MAT1A: variants seen among roughly 807,000 people sequenced by gnomAD.
The protein encoded by MAT1A is methionine adenosyltransferase 1A.
In MAT1A, 19 loss-of-function variants were observed where a neutral mutation model predicts 44.0. The observed-to-expected ratio is 0.43, with a 90% confidence interval of 0.30 to 0.63. The LOEUF is 0.63. Among genes scored for constraint, MAT1A ranks in the 30% least tolerant of loss-of-function variants. The probability of loss-of-function intolerance (pLI) is 0.12; values close to 1 mark genes in which losing one functional copy is unlikely to be tolerated. For missense variants in MAT1A, 397 were observed against 531.0 expected, an observed-to-expected ratio of 0.75 and a Z score of 2.48; for synonymous variants, 205 against 205.6, an observed-to-expected ratio of 1.00 and a Z score of 0.03.
intron 6 of MAT1A, 133 bp downstream of exon 6, chr10:80,276,243 G>A (rs1023965562): frequency 1.8e-5 from 16 of 894,912 alleles, no homozygotes; most frequent in South Asian, 4.2e-5. Flanking sequence ...AAAATTCACC[G>A]ACTTTACATT....
In MAT1A at chr10:80,289,380, T is replaced by A; in HGVS notation, c.44A>T (p.Glu15Val). 6.2e-7 allele frequency: 1 copy of A among 1,614,212 alleles called. No homozygotes were observed. Among genetic ancestry groups the A allele is most frequent in the Non-Finnish European group, 8.5e-7 (1 of 1,180,032 alleles). The change falls in exon 1 of 9, where the codon GAA (glutamate) becomes GTA (valine). Residue 15 changes from glutamate to valine, a missense_variant. Physicochemically the swap from Glu to Val is moderately radical, Grantham distance 121. Coordinates refer to ENST00000372213, the MANE Select transcript of MAT1A (RefSeq NM_000429.3). ...VDGLCDHSLS[E>V]GVFMFTSESV... ...CTCCGATGTGAACATGAAGACTCCT[T>A]CACTTAGAGAGTGGTCACACAAGCC... is the stretch of plus-strand genomic sequence containing the variant.
rs1355541304 is a variant in MAT1A at position 80,276,389 on chromosome 10, A to G, written c.755T>C (p.Ile252Thr). The G allele has an allele frequency of 1.2e-6, 2 of 1,614,110 alleles. No homozygotes were observed. The highest frequency in any genetic ancestry group is 4.5e-5 in the East Asian group (2 of 44,886). Reference sequence around the variant, plus strand: ...ACAAGAATGCACCTGGGGACCTCCGATGACAAACCGCCCACTGGGCTGCAG... The same window carrying G: ...ACAAGAATGCACCTGGGGACCTCCGGTGACAAACCGCCCACTGGGCTGCAG... ...YHLQPSGRFV[I>T]GGPQGDAGVT... The change falls in exon 6 of 9, where the codon ATC becomes ACC. Residue 252 changes from isoleucine (I) to threonine (T), a missense_variant. Physicochemically the swap from Ile to Thr is moderately conservative, Grantham distance 89 (BLOSUM62 -1). Coordinates refer to ENST00000372213, the MANE Select transcript of MAT1A (RefSeq NM_000429.3).
chr10:80,275,785 T>A (rs576734054), intron 6 of MAT1A, among the ~76,000 whole-genome samples: 4 of 152,258 alleles, frequency 2.6e-5, no homozygotes, highest in Admixed American at 6.5e-5. Context: ...GTTTCTACAC[T>A]CTACTTGCTA....
rs1322344552 is a variant in MAT1A, at chr10:80,276,526, A to G, written c.618T>C (p.Ser206=). Residue 206 remains serine, a synonymous_variant, in exon 6 of 9, where the codon TCT becomes TCC. Transcript: ENST00000372213. ...GCGTGATGTCTTCGTTGTGCTGCAC[A>G]GAGATGACGATGGTGTGGATGCGCA... ...IPVRIHTIVI[S]VQHNEDITLE... The G allele has an allele frequency of 6.2e-7, 1 of 1,614,130 alleles. No individual in the cohort carries two copies. The highest frequency in any genetic ancestry group is 8.5e-7 in the Non-Finnish European group (1 of 1,180,036).
chr10:80,277,423 C>A (rs1270329343), intron 5 of MAT1A, among the ~76,000 whole-genome samples: 3 of 152,184 alleles, frequency 2.0e-5, no homozygotes, highest in Non-Finnish European at 4.4e-5. Context: ...TGTGTTCTGC[C>A]TGGTCTAAGG....
At chr10:80,275,641 T>C (rs1043680255) in intron 6 of MAT1A, among the ~76,000 whole-genome samples, 1 of 152,002 alleles carries the variant, frequency 6.6e-6, no homozygotes, top group African/African-American at 2.4e-5. Flanking sequence ...AGGGTGGGAG[T>C]TCTATGTTAA....
In MAT1A at chr10:80,283,959, C is replaced by T; in HGVS notation, c.249G>A (p.Val83=). 2 of 1,614,238 alleles carry T rather than the reference C, an allele frequency of 1.2e-6. No individual in the cohort carries two copies. Among genetic ancestry groups the T allele is most frequent in the Non-Finnish European group, 1.7e-6 (2 of 1,180,036 alleles). The change falls in exon 3 of 9, where the codon GTG becomes GTA. Residue 83 remains valine (V), a synonymous_variant. Transcript: ENST00000372213. ...SMAMVDYQRV[V]RDTIKHIGYD... Reference sequence around the variant, plus strand: ...AGCCGATGTGCTTGATGGTGTCCCTCACCACCCGCTGGTAGTCCACCATGG... The same window carrying T: ...AGCCGATGTGCTTGATGGTGTCCCTTACCACCCGCTGGTAGTCCACCATGG...
chr10:80,283,803 C>T (rs1841601686), intron 3 of MAT1A, 113 bp downstream of exon 3: 1 of 1,515,326 alleles, frequency 6.6e-7, no homozygotes, highest in Non-Finnish European at 9.1e-7. Context: ...GAGTGTTTTC[C>T]TCCTGGTAGT....
At chr10:80,285,036 C>T (rs1381206446) in intron 2 of MAT1A, among the ~76,000 whole-genome samples, 1 of 152,166 alleles carries the variant, frequency 6.6e-6, no homozygotes. Flanking sequence ...ATTTTAAAAC[C>T]TAAATCATAC....
At position 80,273,145 on chromosome 10, in the gene MAT1A, ACT is replaced by A. The variant is rs1466612285; in HGVS notation, c.*634_*635del. On this transcript the variant is annotated 3_prime_UTR_variant, in exon 9 of 9. Transcript: ENST00000372213. ...GTGGGACCCTGTGGAAGTTATCCAG[ACT>A]CTCTGTGCTTTGCTTTCCCCCATCT... is the stretch of plus-strand genomic sequence containing the variant. 1.3e-5 allele frequency: 2 copies of A among 153,856 alleles called. No individual in the cohort carries two copies. The highest frequency in any genetic ancestry group is 4.8e-5 in the African/African-American group (2 of 41,346). 9.5% of individuals were successfully genotyped at this position (153,856 alleles called of 1,614,324 possible).
intron 3 of MAT1A, 121 bp downstream of exon 3, chr10:80,283,795 G>A: frequency 6.9e-7 from 1 of 1,457,432 alleles, no homozygotes; most frequent in Non-Finnish European, 9.6e-7. Flanking sequence ...AAGTGTAGGA[G>A]TGTTTTCCTC....
intron 8 of MAT1A, among the ~76,000 whole-genome samples, chr10:80,274,206 T>C (rs551882348): frequency 6.6e-6 from 1 of 152,312 alleles, no homozygotes; most frequent in Non-Finnish European, 1.5e-5. Context: ...GCTGACTTGA[T>C]TCCCAGCCAT....
At position 80,273,762 on chromosome 10, in the gene MAT1A, G is replaced by T. The variant is rs199546548; in HGVS notation, c.*19C>A. On this transcript the variant is annotated 3_prime_UTR_variant, in exon 9 of 9. Transcript: ENST00000372213. ...ACCAGGTGCCTCCAGGGTGAGACCAGGCCCAGCTCCCCCTGGCTCTAAAAT... is the reference window on the plus strand; with the variant it reads ...ACCAGGTGCCTCCAGGGTGAGACCATGCCCAGCTCCCCCTGGCTCTAAAAT... 3.5e-3 allele frequency: 5,500 copies of T among 1,581,968 alleles called. 17 individuals carry two copies. The highest frequency in any genetic ancestry group is 5.3e-3 in the Middle Eastern group (27 of 5,100).
In MAT1A at chr10:80,273,856, G is replaced by A. The variant is rs1841443668; in HGVS notation, c.1113C>T (p.Tyr371=). Residue 371 remains tyrosine, a synonymous_variant, in exon 9 of 9, where the codon TAC becomes TAT. Transcript: ENST00000372213. ...VRDLDLKKPI[Y]QKTACYGHFG... ...AATGGCCGTAGCATGCTGTCTTCTG[G>A]TAGATGGGCTTCTTCAAGTCCAAAT... 1 of 1,613,232 alleles carries A rather than the reference G, an allele frequency of 6.2e-7. No individual in the cohort carries two copies. The highest frequency in any genetic ancestry group is 8.5e-7 in the Non-Finnish European group (1 of 1,179,338).
In MAT1A at chr10:80,273,788, A is replaced by G. The variant is rs1357585578; in HGVS notation, c.1181T>C (p.Val394Ala). 1 of 1,611,586 alleles carries G rather than the reference A, an allele frequency of 6.2e-7. No homozygotes were observed. The highest frequency in any genetic ancestry group is 1.7e-5 in the Admixed American group (1 of 60,020). ...EFPWEVPRKL[V>A]F ...GCCCAGCTCCCCCTGGCTCTAAAATACAAGCTTCCTGGGAACCTCCCATGG... is the reference window on the plus strand; with the variant it reads ...GCCCAGCTCCCCCTGGCTCTAAAATGCAAGCTTCCTGGGAACCTCCCATGG... Residue 394 changes from valine (V) to alanine (A), a missense_variant, in exon 9 of 9, where the codon GTA becomes GCA. Transcript: ENST00000372213.
chr10:80,275,403 C>A (rs1841473572), intron 6 of MAT1A: 1 of 616,758 alleles, frequency 1.6e-6, no homozygotes, highest in South Asian at 1.9e-5. Context: ...AACAGGTAAC[C>A]TGCCAAAGCT....
At position 80,284,021 on chromosome 10, in the gene MAT1A, C is replaced by G. The variant is rs770323371; in HGVS notation, c.187G>C (p.Gly63Arg). ...KVACETVCKTGMVLLCGEITS... is the reference protein window; with the variant it reads ...KVACETVCKTRMVLLCGEITS... ...ATCTCACCACACAGCAGCACCATGCCGGTCTTGCACACTGTCTCTGAAAGG... is the reference window on the plus strand; with the variant it reads ...ATCTCACCACACAGCAGCACCATGCGGGTCTTGCACACTGTCTCTGAAAGG... The change falls in exon 3 of 9, where the codon GGC becomes CGC. Residue 63 changes from glycine to arginine, a missense_variant. By Grantham distance (125) the Gly-to-Arg change is moderately radical (BLOSUM62 -2). Transcript: ENST00000372213. 6.2e-7 allele frequency: 1 copy of G among 1,614,036 alleles called. No individual in the cohort carries two copies. Among genetic ancestry groups the G allele is most frequent in the African/African-American group, 1.3e-5 (1 of 74,922 alleles).
intron 5 of MAT1A, among the ~76,000 whole-genome samples, chr10:80,279,101 G>A (rs1035199987): frequency 3.3e-5 from 5 of 152,216 alleles, no homozygotes; most frequent in African/African-American, 7.2e-5. Context: ...CTTGTAGGAA[G>A]CCCAAAGTTG....
chr10:80,273,670 T>G lies in MAT1A; in HGVS notation c.*111A>C, dbSNP rs1841440246. ...AGGCTAAATGAGAGGGACCTGGCTT[T>G]GCCCTGAGGGTTGGTGGGTGGGGAA... On this transcript the variant is annotated 3_prime_UTR_variant, in exon 9 of 9. Coordinates refer to ENST00000372213, the MANE Select transcript of MAT1A (RefSeq NM_000429.3). 1 of 820,590 alleles carries G rather than the reference T, an allele frequency of 1.2e-6. No individual in the cohort carries two copies. Among genetic ancestry groups the G allele is most frequent in the Admixed American group, 1.7e-5 (1 of 58,680 alleles). 50.8% of individuals were successfully genotyped at this position (820,590 alleles called of 1,614,324 possible). A position where few individuals can be genotyped will look rare whatever the true frequency, so the allele number is the denominator to read the frequency against.
Sources: gnomAD v4.1 joint callset for allele counts (sites outside exome capture counted in the v4.1 genomes callset) on GRCh38, gnomAD v4.1.1 for gene constraint, MANE v1.5 for transcripts, NCBI Gene and HGNC (gene_info 2026-07-23, HGNC 2026-07-21) for gene names.